Variants in FBXW7 observed in about 807,000 individuals in gnomAD.
FBXW7 encodes the protein F-box and WD repeat domain containing 7.
A neutral mutation model predicts 86.3 loss-of-function variants in FBXW7; 11 were observed. The observed-to-expected ratio is 0.13, with a 90% CI of 0.08 to 0.21. FBXW7 has a LOEUF of 0.21. Ranked by LOEUF, FBXW7 falls within the 10% of genes least tolerant of loss-of-function variation. FBXW7 has a pLI of 1.00. For missense variants in FBXW7, 488 were observed against 847.4 expected, an observed-to-expected ratio of 0.58 and a Z score of 5.27; for synonymous variants, 313 against 297.9, an observed-to-expected ratio of 1.05 and a Z score of -0.52.
At chr4:152,437,548 T>C (rs1740493652) in intron 2 of FBXW7, among the ~76,000 whole-genome samples, 1 of 152,196 alleles carries the variant, frequency 6.6e-6, no homozygotes, top group African/African-American at 2.4e-5. Flanking sequence ...AGTAGTTTCC[T>C]GAGACAAAGT....
intron 2 of FBXW7, among the ~76,000 whole-genome samples, chr4:152,533,125 G>A (rs1750163638): frequency 2.0e-5 from 3 of 151,988 alleles, no homozygotes; most frequent in Admixed American, 6.6e-5. Context: ...GGGAGGCGGA[G>A]GTTGCAGTGA....
intron 1 of FBXW7, 34 bp from the exon 2 acceptor site, chr4:152,535,067 A>G (rs567388734): frequency 6.6e-6 from 1 of 152,668 alleles, no homozygotes; most frequent in Non-Finnish European, 1.5e-5. Context: ...TCGCTAAACC[A>G]GGCGGCAACC....
intron 8 of FBXW7, 107 bp downstream of exon 8, chr4:152,332,489 A>G: frequency 1.7e-6 from 2 of 1,153,954 alleles, no homozygotes; most frequent in Non-Finnish European, 1.1e-6. Context: ...TAATCTGTGG[A>G]TTTTATCATA....
intron 2 of FBXW7, among the ~76,000 whole-genome samples, chr4:152,466,146 T>C (rs1349920707): frequency 6.6e-6 from 1 of 152,074 alleles, no homozygotes; most frequent in Non-Finnish European, 1.5e-5. Flanking sequence ...ACACACCATT[T>C]CTCCAGAAAC....
At chr4:152,398,983 C>A (rs1391856336) in intron 4 of FBXW7, among the ~76,000 whole-genome samples, 4 of 152,040 alleles carry the variant, frequency 2.6e-5, no homozygotes, top group Non-Finnish European at 5.9e-5. Context: ...ATATATATAT[C>A]TTACATTTAC....
rs1219066330 is a variant in FBXW7 at position 152,321,824 on chromosome 4, ATG to A, written c.*1055_*1056del. On this transcript the variant is annotated 3_prime_UTR_variant, in exon 14 of 14. Coordinates refer to ENST00000281708, the MANE Select transcript of FBXW7 (RefSeq NM_001349798.2). ...GCAAGTAATAGCTCTGTTCCAAGGA[ATG>A]TGTTTTAATTTTTGCCCAGATAAAA... The A allele has an allele frequency of 4.3e-6, 1 of 232,660 alleles. No homozygotes were observed. The highest frequency in any genetic ancestry group is 5.6e-5 in the Admixed American group (1 of 17,742). The allele number at this position is 232,660 out of a possible 1,614,324, so 14.4% of individuals were successfully genotyped here. A position where few individuals can be genotyped will look rare whatever the true frequency, so the allele number is the denominator to read the frequency against.
intron 2 of FBXW7, among the ~76,000 whole-genome samples, chr4:152,471,838 C>T (rs751500909): frequency 6.6e-6 from 1 of 151,718 alleles, no homozygotes; most frequent in African/African-American, 2.4e-5. Flanking sequence ...AGTTCAAGGC[C>T]GCAATAAGCT....
At chr4:152,497,698 C>A (rs1232547373) in intron 2 of FBXW7, among the ~76,000 whole-genome samples, 1 of 152,098 alleles carries the variant, frequency 6.6e-6, no homozygotes, top group Non-Finnish European at 1.5e-5. Context: ...GGTAGCTCCA[C>A]TTTGGACTGG....
intron 4 of FBXW7, 141 bp downstream of exon 4, chr4:152,411,162 T>C (rs1373564761): frequency 8.1e-7 from 1 of 1,227,452 alleles, no homozygotes; most frequent in Non-Finnish European, 1.1e-6. Flanking sequence ...TTACCTTCTG[T>C]AAGACAAAAA....
chr4:152,362,848 A>G (rs1316954679), intron 4 of FBXW7, among the ~76,000 whole-genome samples: 1 of 150,990 alleles, frequency 6.6e-6, no homozygotes, highest in South Asian at 2.1e-4. Context: ...AAAAAAAAAA[A>G]ACAACAAGAA....
intron 2 of FBXW7, among the ~76,000 whole-genome samples, chr4:152,475,278 T>A (rs1180255020): frequency 6.6e-6 from 1 of 151,318 alleles, no homozygotes; most frequent in African/African-American, 2.4e-5. Context: ...AATAAAAAAC[T>A]TAGCCAGGCA....
At chr4:152,505,233 G>A (rs1201950198) in intron 2 of FBXW7, among the ~76,000 whole-genome samples, 1 of 152,148 alleles carries the variant, frequency 6.6e-6, no homozygotes, top group Non-Finnish European at 1.5e-5. Flanking sequence ...AGGACTGGAA[G>A]GTGCTCTAGA....
At chr4:152,446,439 T>C (rs183456033) in intron 2 of FBXW7, among the ~76,000 whole-genome samples, 5 of 152,274 alleles carry the variant, frequency 3.3e-5, no homozygotes, top group Admixed American at 2.0e-4. Context: ...AGTATTCTAA[T>C]ACTTCCCACT....
At chr4:152,445,956 T>C (rs1333948714) in intron 2 of FBXW7, among the ~76,000 whole-genome samples, 2 of 140,272 alleles carry the variant, frequency 1.4e-5, no homozygotes, top group South Asian at 2.3e-4. Flanking sequence ...AAGTGCTTAG[T>C]ACAGCACTTG....
At chr4:152,435,789 A>C (rs1445935398) in intron 2 of FBXW7, among the ~76,000 whole-genome samples, 1 of 152,256 alleles carries the variant, frequency 6.6e-6, no homozygotes, top group African/African-American at 2.4e-5. Context: ...CAAGTCTATC[A>C]GCACAATTTT....
At chr4:152,393,398 T>TA (rs146645514) in intron 4 of FBXW7, among the ~76,000 whole-genome samples, 2,436 of 152,270 alleles carry the variant, frequency 0.016, 76 homozygotes, top group African/African-American at 0.056. Context: ...ATCTAACTGA[T>TA]AGAGAATAAT....
Position 152,411,928 on chromosome 4 carries a change from C to T in FBXW7, c.-69-56G>A. 4 of 1,387,412 alleles carry T rather than the reference C, an allele frequency of 2.9e-6. No individual in the cohort carries two copies. In the South Asian group the frequency reaches 5.0e-5, roughly 17 times the overall value. 85.9% of individuals were successfully genotyped at this position (1,387,412 alleles called of 1,614,324 possible). On this transcript the variant is annotated intron_variant, in intron 3 of 13. Transcript: ENST00000281708. The stretch of plus-strand genomic sequence containing the variant: ...TTTGTACAATCTATATTATGTTCTA[C>T]TTTCATGTTATATGTCTACTTTCTA...
intron 2 of FBXW7, among the ~76,000 whole-genome samples, chr4:152,507,943 C>G (rs1747580103): frequency 6.6e-6 from 1 of 151,708 alleles, no homozygotes; most frequent in South Asian, 2.1e-4. Context: ...CATACCTGGC[C>G]TGTAGTCCTA....
At position 152,322,618 on chromosome 4, in the gene FBXW7, A is replaced by G; in HGVS notation, c.*263T>C. 2.1e-6 allele frequency: 1 copy of G among 470,930 alleles called. No individual in the cohort carries two copies. Among genetic ancestry groups the G allele is most frequent in the Non-Finnish European group, 3.7e-6 (1 of 273,936 alleles). The allele number at this position is 470,930 out of a possible 1,614,324, so 29.2% of individuals were successfully genotyped here. Reference sequence around the variant, plus strand: ...CACCTGGTTTGATTTAGAAAGTCTCATTTTGCAAAGCTGCCCTCAGTCAAA... The same window carrying G: ...CACCTGGTTTGATTTAGAAAGTCTCGTTTTGCAAAGCTGCCCTCAGTCAAA... On this transcript the variant is annotated 3_prime_UTR_variant, in exon 14 of 14. Transcript: ENST00000281708.
Sources: allele counts gnomAD v4.1 joint callset (sites outside exome capture counted in the v4.1 genomes callset), GRCh38; gene constraint gnomAD v4.1.1; transcripts MANE v1.5; gene names NCBI Gene and HGNC (gene_info 2026-07-23, HGNC 2026-07-21).